Variants in IL1RL2 observed in about 807,000 individuals in gnomAD.
IL1RL2 encodes interleukin-1 receptor-like 2.
In IL1RL2, 68 loss-of-function variants were observed where a neutral mutation model predicts 66.8. The observed-to-expected ratio is 1.02, with a 90% confidence interval of 0.84 to 1.25. IL1RL2 has a LOEUF of 1.25. IL1RL2 is among the 50% of genes most tolerant of loss of function. The pLI is 0.00. For missense variants in IL1RL2, 729 were observed against 709.3 expected (o/e 1.03, Z -0.32); for synonymous variants, 305 against 264.6 (o/e 1.15, Z -1.48).
intron 5 of IL1RL2, among the ~76,000 whole-genome samples, chr2:102,211,664 AT>A (rs1176131584): frequency 2.6e-5 from 4 of 152,210 alleles, no homozygotes; most frequent in Admixed American, 1.3e-4. Flanking sequence ...TAGGAAACAG[AT>A]TAATGGTTGC....
chr2:102,209,376 G>C (rs1004725764), intron 5 of IL1RL2, among the ~76,000 whole-genome samples: 1 of 152,182 alleles, frequency 6.6e-6, no homozygotes, highest in Non-Finnish European at 1.5e-5. Context: ...CACGCAAATG[G>C]TCTGGGAAGG....
At chr2:102,235,337 G>T in intron 11 of IL1RL2, 60 bp downstream of exon 11, 3 of 1,565,102 alleles carry the variant, frequency 1.9e-6, no homozygotes, top group Non-Finnish European at 1.7e-6. Context: ...ATCATTGCGT[G>T]GTGGCTCACA....
rs1468106134 is a variant in IL1RL2 at position 102,239,196 on chromosome 2, A to AAGAACT, written c.1683_1684insAGAACT (p.Pro561_Glu562insArgThr). 2 of 1,613,990 alleles carry AAGAACT rather than the reference A, an allele frequency of 1.2e-6. No individual in the cohort carries two copies. The highest frequency in any genetic ancestry group is 1.7e-6 in the Non-Finnish European group (2 of 1,179,862). On this transcript the variant is annotated inframe_insertion, in exon 12 of 12. Coordinates refer to ENST00000264257, the MANE Select transcript of IL1RL2 (RefSeq NM_003854.4). ...ATAGATCTTTCCTGATTTCAGGCCCAGAACTAGGCTCAAGAAGAAAGAAGT... is the reference window on the plus strand; with the variant it reads ...ATAGATCTTTCCTGATTTCAGGCCCAAGAACTGAACTAGGCTCAAGAAGAAAGAAGT...
chr2:102,224,736 T>C (rs965515087), intron 8 of IL1RL2, among the ~76,000 whole-genome samples: 10 of 152,204 alleles, frequency 6.6e-5, no homozygotes, highest in African/African-American at 2.2e-4. Flanking sequence ...TTTGGAATAT[T>C]CCCAGCACAA....
At chr2:102,196,700 A>T (rs1200533908) in intron 4 of IL1RL2, among the ~76,000 whole-genome samples, 1 of 152,180 alleles carries the variant, frequency 6.6e-6, no homozygotes, top group African/African-American at 2.4e-5. Flanking sequence ...GAGTGAACAC[A>T]GTTAGCCTGG....
intron 9 of IL1RL2, among the ~76,000 whole-genome samples, chr2:102,230,855 G>C (rs765769308): frequency 6.6e-6 from 1 of 152,224 alleles, no homozygotes; most frequent in Non-Finnish European, 1.5e-5. Context: ...GATGGACTGA[G>C]AAATGGTGTT....
intron 6 of IL1RL2, among the ~76,000 whole-genome samples, chr2:102,218,671 C>A (rs182949939): frequency 1.8e-4 from 28 of 152,218 alleles, no homozygotes; most frequent in Middle Eastern, 3.4e-3. Flanking sequence ...CTGTCAAGTT[C>A]TTTGCTAGTG....
At chr2:102,220,993 C>G (rs1690075817) in intron 8 of IL1RL2, among the ~76,000 whole-genome samples, 1 of 152,192 alleles carries the variant, frequency 6.6e-6, no homozygotes. Flanking sequence ...TTCTCTGCTT[C>G]ACTTCTGTGT....
downstream of IL1RL2, among the ~76,000 whole-genome samples, chr2:102,241,904 A>T (rs1675240568): frequency 6.6e-6 from 1 of 152,244 alleles, no homozygotes; most frequent in Non-Finnish European, 1.5e-5. Context: ...TAGAGGTGAC[A>T]TACTGAAACA....
chr2:102,211,966 GTATT>G, intron 5 of IL1RL2, 130 bp from the exon 6 acceptor site: 1 of 529,086 alleles, frequency 1.9e-6, no homozygotes, highest in East Asian at 3.0e-5. Flanking sequence ...TTGAAAATGT[GTATT>G]TATGGAGTGA....
chr2:102,242,530 C>T (rs1421615521), downstream of IL1RL2, among the ~76,000 whole-genome samples: 2 of 152,082 alleles, frequency 1.3e-5, no homozygotes, highest in Non-Finnish European at 2.9e-5. Context: ...ATATAAATCC[C>T]GGTCTGAAGG....
intron 10 of IL1RL2, 100 bp from the exon 11 acceptor site, chr2:102,234,797 A>T: frequency 4.4e-6 from 5 of 1,149,164 alleles, no homozygotes; most frequent in African/African-American, 3.1e-5. Context: ...AAAAAAAAAA[A>T]GTCAATTTTC....
intron 6 of IL1RL2, among the ~76,000 whole-genome samples, chr2:102,217,652 G>A (rs915704977): frequency 1.3e-5 from 2 of 152,126 alleles, no homozygotes; most frequent in Non-Finnish European, 2.9e-5. Flanking sequence ...ACTGATATTT[G>A]ACAAAAGTGC....
At position 102,218,988 on chromosome 2, in the gene IL1RL2, A is replaced by G. The variant is rs778898869; in HGVS notation, c.760A>G (p.Thr254Ala). The change falls in exon 7 of 12, where the codon ACC (threonine) becomes GCC (alanine). Residue 254 changes from threonine (T) to alanine (A), a missense_variant. By Grantham distance (58) the Thr-to-Ala change is moderately conservative. Transcript: ENST00000264257. ...GATTGTGGACTGCAATGTAACAGAC[A>G]CCAAGGATAATACAAATCTACGATG... is the stretch of plus-strand genomic sequence containing the variant. ...TLIVDCNVTD[T>A]KDNTNLRCWR... The G allele has an allele frequency of 1.9e-6, 3 of 1,613,678 alleles. No homozygotes were observed. The highest frequency in any genetic ancestry group is 2.5e-6 in the Non-Finnish European group (3 of 1,179,560).
In IL1RL2 at chr2:102,210,986, C is replaced by A. The variant is rs10168021; in HGVS notation, c.650-1114C>A. 5.4e-3 allele frequency among the ~76,000 whole-genome samples: 818 copies of A among 151,748 alleles called. 11 individuals are homozygous for A. Among genetic ancestry groups the A allele is most frequent in the African/African-American group, 0.019 (785 of 41,348 alleles). ...AAAGACAGACTGAGAAATGAGGAGG[C>A]AAAAGTAGTTGAATTTGGTGATTGA... On this transcript the variant is annotated intron_variant, in intron 5 of 11. Coordinates refer to ENST00000264257, the MANE Select transcript of IL1RL2 (RefSeq NM_003854.4).
intron 9 of IL1RL2, among the ~76,000 whole-genome samples, chr2:102,226,436 G>C (rs1009473955): frequency 5.9e-5 from 9 of 152,218 alleles, no homozygotes; most frequent in South Asian, 2.1e-4. Context: ...GTCATGGAGA[G>C]GGATGAGCTG....
At chr2:102,229,397 C>T (rs999160440) in intron 9 of IL1RL2, among the ~76,000 whole-genome samples, 1 of 152,124 alleles carries the variant, frequency 6.6e-6, no homozygotes, top group Non-Finnish European at 1.5e-5. Flanking sequence ...TTCCTGCTCC[C>T]ATTTCTCATT....
chr2:102,225,603 CG>C (rs1227744203), intron 8 of IL1RL2, among the ~76,000 whole-genome samples: 1 of 152,158 alleles, frequency 6.6e-6, no homozygotes, highest in Non-Finnish European at 1.5e-5. Flanking sequence ...AAGCAGTTCT[CG>C]TCCAGTTGGG....
At chr2:102,211,949 C>G in intron 5 of IL1RL2, 151 bp from the exon 6 acceptor site, 1 of 490,294 alleles carries the variant, frequency 2.0e-6, no homozygotes, top group Non-Finnish European at 3.6e-6. Flanking sequence ...AATTCAGTTA[C>G]TTCTGGTTGA....
Sources: gnomAD v4.1 joint callset for allele counts (sites outside exome capture counted in the v4.1 genomes callset) on GRCh38, gnomAD v4.1.1 for gene constraint, MANE v1.5 for transcripts, NCBI Gene and HGNC (gene_info 2026-07-23, HGNC 2026-07-21) for gene names.